JARID2: variants seen among roughly 807,000 people sequenced by gnomAD.
The protein encoded by JARID2 is jumonji and AT-rich interaction domain containing 2, also known as protein Jumonji.
JARID2 carries 21 observed loss-of-function variants against 125.6 expected under a neutral mutation model. That is an observed-to-expected ratio of 0.17 (90% CI 0.12 to 0.24). The LOEUF (loss-of-function observed/expected upper bound fraction) is 0.24. JARID2 is among the 10% of genes least tolerant of loss of function. The pLI is 1.00. For synonymous variants in JARID2, 736 were observed against 661.6 expected (o/e 1.11, Z -1.73); for missense variants, 1,303 against 1,639.6 (o/e 0.79, Z 3.55).
At chr6:15,503,555 C>G (rs1406527621) in intron 8 of JARID2, among the ~76,000 whole-genome samples, 1 of 152,180 alleles carries the variant, frequency 6.6e-6, no homozygotes, top group Non-Finnish European at 1.5e-5. Context: ...TACATGACAC[C>G]TGGCACCTCC....
At chr6:15,400,899 CTCCCTCTG>C in intron 2 of JARID2, 2 of 1,288,804 alleles carry the variant, frequency 1.6e-6, no homozygotes, top group South Asian at 2.5e-5. Flanking sequence ...TCCTCCCTCC[CTCCCTCTG>C]TCCTTCTTCC....
chr6:15,372,268 T>C (rs1201774681), intron 1 of JARID2, among the ~76,000 whole-genome samples: 3 of 152,186 alleles, frequency 2.0e-5, no homozygotes, highest in Non-Finnish European at 4.4e-5. Flanking sequence ...AGCACCAGAC[T>C]GCCCATGAGA....
chr6:15,361,913 T>TC (rs1554127990), intron 1 of JARID2, among the ~76,000 whole-genome samples: 141 of 132,828 alleles, frequency 1.1e-3, no homozygotes, highest in African/African-American at 2.8e-3. Flanking sequence ...TTTTTTTTTT[T>TC]CCCTGAGATG....
chr6:15,339,985 A>G (rs1581431154), intron 1 of JARID2, among the ~76,000 whole-genome samples: 1 of 150,230 alleles, frequency 6.7e-6, no homozygotes, highest in East Asian at 2.0e-4. Context: ...TTTGAATTGG[A>G]GTCTTGCCTT....
intron 17 of JARID2, among the ~76,000 whole-genome samples, chr6:15,519,522 C>T (rs1458505616): frequency 1.3e-5 from 2 of 152,126 alleles, no homozygotes; most frequent in African/African-American, 4.8e-5. Context: ...CTACTCCTCC[C>T]CATGTTGTTT....
chr6:15,414,234 G>T (rs1561846158), intron 3 of JARID2, among the ~76,000 whole-genome samples: 1 of 152,106 alleles, frequency 6.6e-6, no homozygotes, highest in Non-Finnish European at 1.5e-5. Context: ...ACTTTATCTA[G>T]TCTGCTTTTC....
At chr6:15,375,963 A>C (rs1008322806) in intron 2 of JARID2, among the ~76,000 whole-genome samples, 1 of 152,212 alleles carries the variant, frequency 6.6e-6, no homozygotes, top group Non-Finnish European at 1.5e-5. Flanking sequence ...TTCAGGATTT[A>C]ATAAAGGTAG....
At chr6:15,264,612 A>AGAGTGTGTGT (rs1554116823) in intron 1 of JARID2, among the ~76,000 whole-genome samples, 4 of 146,138 alleles carry the variant, frequency 2.7e-5, no homozygotes, top group South Asian at 2.2e-4. Flanking sequence ...GGTAGGTGTG[A>AGAGTGTGTGT]GTGTGTGTGT....
At chr6:15,269,275 T>C (rs985136075) in intron 1 of JARID2, among the ~76,000 whole-genome samples, 2 of 152,058 alleles carry the variant, frequency 1.3e-5, no homozygotes, top group Admixed American at 6.5e-5. Flanking sequence ...AGCATTCTTG[T>C]TGGGGGGGGC....
At chr6:15,307,885 A>G (rs1581394969) in intron 1 of JARID2, among the ~76,000 whole-genome samples, 1 of 152,380 alleles carries the variant, frequency 6.6e-6, no homozygotes, top group East Asian at 1.9e-4. Flanking sequence ...GGTCCAAGAA[A>G]TACAGACTCC....
Position 15,476,150 on chromosome 6 carries a change from A to G in JARID2, c.670+7432A>G, listed in dbSNP as rs80199062. On this transcript the variant is annotated intron_variant, in intron 5 of 17. Coordinates refer to ENST00000341776, the MANE Select transcript of JARID2 (RefSeq NM_004973.4). ...CTGAAATGTGGGGAGATAAACACAC[A>G]GAAAACAAAAGTATGGAAAACTGAT... 7.2e-3 allele frequency among the ~76,000 whole-genome samples: 1,101 copies of G among 152,340 alleles called. 13 individuals are homozygous for G. Among genetic ancestry groups the G allele is most frequent in the African/African-American group, 0.025 (1,047 of 41,572 alleles).
At position 15,300,683 on chromosome 6, in the gene JARID2, T is replaced by TTGTGTGTGTGTG. The variant is rs35433395; in HGVS notation, c.45+54128_45+54139dup. 2.7e-3 allele frequency among the ~76,000 whole-genome samples: 310 copies of TTGTGTGTGTGTG among 114,382 alleles called. 1 individual carries two copies. Among genetic ancestry groups the TTGTGTGTGTGTG allele is most frequent in the East Asian group, 7.2e-3 (25 of 3,476 alleles). 75.0% of individuals were successfully genotyped at this position (114,382 alleles called of 152,430 possible). On this transcript the variant is annotated intron_variant, in intron 1 of 17. Transcript: ENST00000341776. The stretch of plus-strand genomic sequence containing the variant: ...TTTGCAAAGACCCAGTGTCCTCATG[T>TTGTGTGTGTGTG]TGTGTGTGTGTGTGTGTGTGTGTGT...
At chr6:15,344,194 T>C (rs1472467522) in intron 1 of JARID2, among the ~76,000 whole-genome samples, 1 of 149,878 alleles carries the variant, frequency 6.7e-6, no homozygotes, top group Non-Finnish European at 1.5e-5. Context: ...TGAAGCGTTT[T>C]TGGAAAGTAG....
intron 1 of JARID2, among the ~76,000 whole-genome samples, chr6:15,250,805 C>G (rs1759416557): frequency 6.6e-6 from 1 of 152,058 alleles, no homozygotes; most frequent in South Asian, 2.1e-4. Context: ...CTTCCAAGTG[C>G]CTTGGAAATA....
chr6:15,392,067 TGTGTGTGTGTGC>T (rs201254371), intron 2 of JARID2, among the ~76,000 whole-genome samples: 8,742 of 118,180 alleles, frequency 0.074, 496 homozygotes, highest in East Asian at 0.19. Context: ...TGTGTGTGTG[TGTGTGTGTGTGC>T]GTGTCTGGAG....
rs56001668 is a variant in JARID2 at position 15,361,539 on chromosome 6, G to A, written c.46-12578G>A. On this transcript the variant is annotated intron_variant, in intron 1 of 17. Transcript: ENST00000341776. ...GCAAACTGTAAGGATAGGAAGAATC[G>A]TAACTTTGCTTCTTGATAGCCATAT... Among the ~76,000 whole-genome samples, 1,397 of 152,228 alleles carry A rather than the reference G, an allele frequency of 9.2e-3. 12 individuals are homozygous for A. The highest frequency in any genetic ancestry group is 0.024 in the Middle Eastern group (7 of 294).
At chr6:15,509,999 C>T (rs1288692685) in intron 12 of JARID2, among the ~76,000 whole-genome samples, 1 of 152,052 alleles carries the variant, frequency 6.6e-6, no homozygotes, top group Admixed American at 6.5e-5. Context: ...ATAACATGAG[C>T]ATTAAAAAAA....
chr6:15,308,274 G>A (rs1213059917), intron 1 of JARID2, among the ~76,000 whole-genome samples: 1 of 151,016 alleles, frequency 6.6e-6, no homozygotes, highest in East Asian at 1.9e-4. Context: ...GTTTATAAAT[G>A]AACTTTTAGA....
chr6:15,438,620 A>T (rs921406810), intron 3 of JARID2, among the ~76,000 whole-genome samples: 1 of 152,156 alleles, frequency 6.6e-6, no homozygotes, highest in Non-Finnish European at 1.5e-5. Flanking sequence ...CCTTTAGGCA[A>T]ATGTTATCCT....
Sources: allele counts gnomAD v4.1 joint callset (sites outside exome capture counted in the v4.1 genomes callset), GRCh38; gene constraint gnomAD v4.1.1; transcripts MANE v1.5; gene names NCBI Gene and HGNC (gene_info 2026-07-23, HGNC 2026-07-21).